The following KCNMA1 variants were observed in gnomAD, a reference collection of about 807,000 sequenced individuals.
KCNMA1 encodes potassium calcium-activated channel subfamily M alpha 1, also known as Calcium-activated potassium channel subunit alpha-1.
KCNMA1 carries 29 observed loss-of-function variants against 140.0 expected under a neutral mutation model. The ratio of observed to expected loss-of-function variants is 0.21; its 90% CI spans 0.15 to 0.28. The LOEUF is 0.28. KCNMA1 is among the 10% of genes least tolerant of loss of function. The pLI is 1.00. For missense variants in KCNMA1, 880 were observed against 1,602.2 expected, an observed-to-expected ratio of 0.55 and a Z score of 7.70; for synonymous variants, 612 against 611.9, an observed-to-expected ratio of 1.00 and a Z score of 0.00.
chr10:77,060,014 C>T (rs1473527071), intron 14 of KCNMA1, among the ~76,000 whole-genome samples: 2 of 152,076 alleles, frequency 1.3e-5, no homozygotes, highest in East Asian at 1.9e-4. Context: ...AAAACATGTA[C>T]AGAATCTTGA....
intron 1 of KCNMA1, among the ~76,000 whole-genome samples, chr10:77,524,835 G>A (rs908874109): frequency 5.9e-5 from 9 of 152,182 alleles, no homozygotes; most frequent in Non-Finnish European, 1.2e-4. Flanking sequence ...TACTCAGAGG[G>A]TTATGCGGGA....
chr10:77,176,721 T>A (rs1439180834), intron 5 of KCNMA1, among the ~76,000 whole-genome samples: 1 of 152,172 alleles, frequency 6.6e-6, no homozygotes, highest in African/African-American at 2.4e-5. Context: ...GAGCCTCAGA[T>A]TCCTCTTTGG....
At chr10:77,584,088 G>C (rs1262772447) in intron 1 of KCNMA1, among the ~76,000 whole-genome samples, 1 of 152,134 alleles carries the variant, frequency 6.6e-6, no homozygotes, top group South Asian at 2.1e-4. Flanking sequence ...GCAATTTGTT[G>C]ATTTCTTCAG....
intron 11 of KCNMA1, 139 bp from the exon 12 acceptor site, chr10:77,084,858 T>C: frequency 2.9e-6 from 2 of 683,062 alleles, no homozygotes; most frequent in African/African-American, 1.8e-5. Flanking sequence ...TGAGAGATTA[T>C]AGTTTTTGTC....
chr10:77,545,761 T>C (rs948873078), intron 1 of KCNMA1, among the ~76,000 whole-genome samples: 8 of 152,214 alleles, frequency 5.3e-5, no homozygotes, highest in African/African-American at 1.9e-4. Flanking sequence ...ACACCTGTGT[T>C]GGCAGCGAGG....
intron 17 of KCNMA1, among the ~76,000 whole-genome samples, chr10:77,016,369 G>A (rs1207123247): frequency 1.3e-5 from 2 of 152,110 alleles, no homozygotes; most frequent in Non-Finnish European, 2.9e-5. Context: ...CCCCACGAGA[G>A]TTGGGACTTC....
chr10:77,501,654 C>A (rs192799218), intron 1 of KCNMA1, among the ~76,000 whole-genome samples: 18 of 152,306 alleles, frequency 1.2e-4, no homozygotes, highest in African/African-American at 2.4e-4. Flanking sequence ...CAGAGGCTGA[C>A]CCGATCTGGG....
chr10:77,602,337 G>A (rs1014652444), intron 1 of KCNMA1, among the ~76,000 whole-genome samples: 1 of 152,210 alleles, frequency 6.6e-6, no homozygotes, highest in Non-Finnish European at 1.5e-5. Flanking sequence ...CATTTAGATG[G>A]AATGGCCACA....
intron 18 of KCNMA1, 24 bp downstream of exon 18, chr10:77,011,943 G>A: frequency 1.3e-6 from 2 of 1,595,978 alleles, no homozygotes; most frequent in Non-Finnish European, 1.7e-6. Context: ...AAAGGGAGGG[G>A]ACAGGGAGAG....
chr10:77,226,212 C>T (rs904160663), intron 3 of KCNMA1, among the ~76,000 whole-genome samples: 1 of 152,124 alleles, frequency 6.6e-6, no homozygotes, highest in Non-Finnish European at 1.5e-5. Context: ...TGCAACATTG[C>T]TGGGAGGGTT....
intron 1 of KCNMA1, among the ~76,000 whole-genome samples, chr10:77,488,035 T>C (rs1350327187): frequency 6.6e-6 from 1 of 152,224 alleles, no homozygotes; most frequent in African/African-American, 2.4e-5. Context: ...TCTGTGAATA[T>C]AGGCATATAT....
At chr10:77,021,023 A>C (rs1206401776) in intron 16 of KCNMA1, 6 of 152,164 alleles carry the variant, frequency 3.9e-5, no homozygotes, top group Non-Finnish European at 8.8e-5. Flanking sequence ...ATTCTTGCAA[A>C]AAAAAATCCA....
At chr10:77,305,846 A>G (rs539767236) in intron 2 of KCNMA1, among the ~76,000 whole-genome samples, 1 of 152,324 alleles carries the variant, frequency 6.6e-6, no homozygotes, top group South Asian at 2.1e-4. Flanking sequence ...AATAGCCTGC[A>G]AACTCTAAAT....
chr10:77,634,901 T>G (rs1327601655), intron 1 of KCNMA1: 1 of 152,754 alleles, frequency 6.5e-6, no homozygotes, highest in Admixed American at 6.5e-5. Context: ...ATGAGCTGGC[T>G]ACCTATGGCT....
chr10:77,122,389 T>C (rs765234730), intron 5 of KCNMA1, among the ~76,000 whole-genome samples: 18 of 152,268 alleles, frequency 1.2e-4, no homozygotes, highest in Middle Eastern at 6.8e-3. Flanking sequence ...TATTAAATAA[T>C]TGCAGAGATG....
chr10:77,083,017 G>A (rs559223038), intron 12 of KCNMA1, among the ~76,000 whole-genome samples: 2 of 152,316 alleles, frequency 1.3e-5, no homozygotes, highest in African/African-American at 4.8e-5. Flanking sequence ...AACATTGTCA[G>A]GATGTAAAGG....
At chr10:77,038,387 C>G (rs188019186) in intron 15 of KCNMA1, among the ~76,000 whole-genome samples, 368 of 152,236 alleles carry the variant, frequency 2.4e-3, no homozygotes, top group Middle Eastern at 0.014. Flanking sequence ...CCAGTGAGCT[C>G]CCAGATACCC....
chr10:77,054,741 G>C (rs1283869942), intron 14 of KCNMA1, among the ~76,000 whole-genome samples: 3 of 152,142 alleles, frequency 2.0e-5, no homozygotes, highest in African/African-American at 7.2e-5. Context: ...ATTACACTCA[G>C]TTCAAACGTT....
At chr10:77,380,193 TCACA>T (rs1234976904) in intron 2 of KCNMA1, among the ~76,000 whole-genome samples, 2 of 152,202 alleles carry the variant, frequency 1.3e-5, no homozygotes, top group African/African-American at 4.8e-5. Context: ...TCTAAAGGCA[TCACA>T]CTCACTGTCA....
Sources: allele counts gnomAD v4.1 joint callset (sites outside exome capture counted in the v4.1 genomes callset), GRCh38; gene constraint gnomAD v4.1.1; transcripts MANE v1.5; gene names NCBI Gene and HGNC (gene_info 2026-07-23, HGNC 2026-07-21).